METTL15: variants seen among roughly 807,000 people sequenced by gnomAD.
METTL15 encodes the protein 12S rRNA N(4)-cytidine methyltransferase METTL15.
In METTL15, 34 loss-of-function variants were observed where a neutral mutation model predicts 38.3. The observed-to-expected ratio is 0.89, with a 90% CI of 0.68 to 1.18. METTL15 has a LOEUF of 1.18. METTL15 is among the 50% of genes most tolerant of loss of function. METTL15 has a pLI of 0.00. For synonymous variants in METTL15, 162 were observed against 170.9 expected, an observed-to-expected ratio of 0.95 and a Z score of 0.41; for missense variants, 438 against 498.4, an observed-to-expected ratio of 0.88 and a Z score of 1.15.
At chr11:28,293,120 A>G (rs1856586600) in intron 5 of METTL15, among the ~76,000 whole-genome samples, 1 of 152,186 alleles carries the variant, frequency 6.6e-6, no homozygotes, top group Non-Finnish European at 1.5e-5. Context: ...TTAGACATGA[A>G]GTCCTTACCC....
intron 3 of METTL15, among the ~76,000 whole-genome samples, chr11:28,118,748 T>C (rs1852082265): frequency 6.6e-6 from 1 of 152,196 alleles, no homozygotes. Context: ...TACAAGTAGC[T>C]GTGCAGTTTG....
chr11:28,305,508 T>C (rs931496865), intron 6 of METTL15, among the ~76,000 whole-genome samples: 7 of 152,138 alleles, frequency 4.6e-5, no homozygotes, highest in African/African-American at 1.7e-4. Flanking sequence ...ATAAAAAGAT[T>C]AGGTTACTTT....
intron 6 of METTL15, among the ~76,000 whole-genome samples, chr11:28,325,483 G>A (rs1422524240): frequency 6.6e-6 from 1 of 152,192 alleles, no homozygotes; most frequent in Admixed American, 6.5e-5. Flanking sequence ...CACACAGGCC[G>A]TACACACCCG....
rs564814838 is a variant in METTL15, at chr11:28,213,013, G to A, written c.407+1815G>A. On this transcript the variant is annotated intron_variant, in intron 4 of 6. Coordinates refer to ENST00000407364, the MANE Select transcript of METTL15 (RefSeq NM_001113528.2). ...TGTATATTCTTTTCAGTTTATAGAT[G>A]TGGAAACTATTAGCCAGATAGATGA... is the stretch of plus-strand genomic sequence containing the variant. Among the ~76,000 whole-genome samples, 33 of 152,106 alleles carry A rather than the reference G, an allele frequency of 2.2e-4. No homozygotes were observed. In the South Asian group the frequency reaches 6.7e-3, roughly 31 times the overall value.
At chr11:28,468,287 A>G (rs1264105734) in intron 6 of METTL15, among the ~76,000 whole-genome samples, 2 of 151,980 alleles carry the variant, frequency 1.3e-5, no homozygotes, top group African/African-American at 4.8e-5. Flanking sequence ...TGTAATTGAG[A>G]TATTTCCCTC....
chr11:28,281,997 G>A (rs1324712214), intron 4 of METTL15, among the ~76,000 whole-genome samples: 1 of 152,198 alleles, frequency 6.6e-6, no homozygotes, highest in African/African-American at 2.4e-5. Context: ...TAAAGTCAAT[G>A]TGTGAGCTAC....
chr11:28,446,396 C>T (rs974973318), intron 6 of METTL15, among the ~76,000 whole-genome samples: 1 of 152,114 alleles, frequency 6.6e-6, no homozygotes, highest in Admixed American at 6.5e-5. Context: ...CTCTGTTGAT[C>T]ACTAACTTCC....
intron 6 of METTL15, among the ~76,000 whole-genome samples, chr11:28,489,127 T>C (rs138590954): frequency 5.9e-5 from 9 of 152,252 alleles, no homozygotes; most frequent in African/African-American, 2.2e-4. Flanking sequence ...CAAAATCTAC[T>C]TGCCATTTCT....
chr11:28,282,937 T>C (rs1337712399), intron 4 of METTL15, among the ~76,000 whole-genome samples: 1 of 152,188 alleles, frequency 6.6e-6, no homozygotes, highest in Non-Finnish European at 1.5e-5. Flanking sequence ...AATTAAGTGA[T>C]CCAGAGAGAA....
At chr11:28,281,377 G>A (rs1197897926) in intron 4 of METTL15, among the ~76,000 whole-genome samples, 2 of 152,116 alleles carry the variant, frequency 1.3e-5, no homozygotes, top group Non-Finnish European at 2.9e-5. Context: ...TGAAGCTGCC[G>A]AAAGTTCTCC....
At chr11:28,380,642 A>G (rs892304947) in intron 5 of METTL15, among the ~76,000 whole-genome samples, 1 of 152,102 alleles carries the variant, frequency 6.6e-6, no homozygotes, top group African/African-American at 2.4e-5. Flanking sequence ...TAGTAAATCT[A>G]TTATAGGTTT....
intron 5 of METTL15, among the ~76,000 whole-genome samples, chr11:28,373,404 C>G (rs866286043): frequency 6.6e-6 from 1 of 151,996 alleles, no homozygotes; most frequent in Non-Finnish European, 1.5e-5. Context: ...TGTTTTTTGG[C>G]TGCATAAATG....
chr11:28,169,460 T>C (rs978909439), intron 3 of METTL15, among the ~76,000 whole-genome samples: 2 of 152,160 alleles, frequency 1.3e-5, no homozygotes, highest in Non-Finnish European at 1.5e-5. Context: ...CAAGTTGATA[T>C]AGAAGAAAAC....
intron 5 of METTL15, among the ~76,000 whole-genome samples, chr11:28,374,128 A>G (rs908077177): frequency 5.9e-5 from 9 of 152,198 alleles, no homozygotes; most frequent in Non-Finnish European, 1.2e-4. Flanking sequence ...CTTTTGGCTT[A>G]GGATTGACAT....
chr11:28,405,073 C>T (rs1204296668), intron 5 of METTL15, among the ~76,000 whole-genome samples: 1 of 152,122 alleles, frequency 6.6e-6, no homozygotes, highest in Non-Finnish European at 1.5e-5. Context: ...ATTCATTGTA[C>T]AGCTGCAGCG....
At chr11:28,233,670 A>G (rs1458932229) in intron 4 of METTL15, among the ~76,000 whole-genome samples, 2 of 152,046 alleles carry the variant, frequency 1.3e-5, no homozygotes, top group Non-Finnish European at 2.9e-5. Context: ...TCCTGCTTTT[A>G]TTAATTTGGA....
intron 4 of METTL15, among the ~76,000 whole-genome samples, chr11:28,250,930 T>A (rs553336277): frequency 1.3e-5 from 2 of 152,148 alleles, no homozygotes; most frequent in South Asian, 4.1e-4. Context: ...GCTGGGGGTG[T>A]AAGAGAAGAA....
intron 3 of METTL15, among the ~76,000 whole-genome samples, chr11:28,172,547 T>G (rs1850896642): frequency 6.6e-6 from 1 of 152,160 alleles, no homozygotes; most frequent in Non-Finnish European, 1.5e-5. Context: ...CCTAATAGCT[T>G]CCATTTATTA....
intron 6 of METTL15, among the ~76,000 whole-genome samples, chr11:28,427,418 C>G (rs1019983910): frequency 6.6e-6 from 1 of 151,920 alleles, no homozygotes; most frequent in Non-Finnish European, 1.5e-5. Context: ...GCTCTCTGGG[C>G]TTTTTTTGGT....
Sources: allele counts gnomAD v4.1 joint callset (sites outside exome capture counted in the v4.1 genomes callset), GRCh38; gene constraint gnomAD v4.1.1; transcripts MANE v1.5; gene names NCBI Gene and HGNC (gene_info 2026-07-23, HGNC 2026-07-21).